Variants in WDFY1 observed in about 807,000 individuals in gnomAD.
The protein encoded by WDFY1 is WD repeat and FYVE domain containing 1, also known as WD repeat and FYVE domain-containing protein 1.
In WDFY1, 32 loss-of-function variants were observed where a neutral mutation model predicts 56.4. The ratio of observed to expected loss-of-function variants is 0.57; its 90% CI spans 0.43 to 0.76. The LOEUF (loss-of-function observed/expected upper bound fraction) is 0.76. WDFY1 is among the 30% of genes least tolerant of loss of function. The probability of loss-of-function intolerance (pLI) is 0.00; values close to 1 mark genes in which losing one functional copy is unlikely to be tolerated. For missense variants in WDFY1, 480 were observed against 545.7 expected, an observed-to-expected ratio of 0.88 and a Z score of 1.20; for synonymous variants, 192 against 197.3, an observed-to-expected ratio of 0.97 and a Z score of 0.23.
At chr2:223,905,525 T>C (rs1693582809) in intron 4 of WDFY1, among the ~76,000 whole-genome samples, 1 of 151,940 alleles carries the variant, frequency 6.6e-6, no homozygotes, top group South Asian at 2.1e-4. Flanking sequence ...AAACAATGAA[T>C]TATAGGATTA....
At chr2:223,920,458 T>C (rs1296598543) in intron 1 of WDFY1, among the ~76,000 whole-genome samples, 1 of 152,220 alleles carries the variant, frequency 6.6e-6, no homozygotes, top group African/African-American at 2.4e-5. Flanking sequence ...CCAGGAAATA[T>C]TTACATGGAA....
chr2:223,944,711 T>G (rs1574787193), intron 1 of WDFY1, among the ~76,000 whole-genome samples: 1 of 112,676 alleles, frequency 8.9e-6, no homozygotes, highest in Non-Finnish European at 1.8e-5. Context: ...GGGACAAGGG[T>G]CCCGGACTGG....
chr2:223,901,118 A>C, intron 5 of WDFY1, 65 bp downstream of exon 5: 1 of 1,541,576 alleles, frequency 6.5e-7, no homozygotes, highest in Non-Finnish European at 8.8e-7. Flanking sequence ...TTGGGATGAG[A>C]TTCAGAACCA....
Position 223,894,325 on chromosome 2 carries a change from G to A in WDFY1, c.740C>T (p.Ser247Leu), listed in dbSNP as rs1693326106. ...CCTGGTGAGCTGAAGGTAGCACAGC[G>A]ACTGCACCTTGTCACTGCAAACAGC... ...LLQGHHDKVQSLCYLQLTRQL... is the reference protein window; with the variant it reads ...LLQGHHDKVQLLCYLQLTRQL... Residue 247 changes from serine (S) to leucine (L), a missense_variant, in exon 8 of 12, where the codon TCG becomes TTG. By Grantham distance (145) the Ser-to-Leu change is moderately radical. Coordinates refer to ENST00000233055, the MANE Select transcript of WDFY1 (RefSeq NM_020830.5). The A allele has an allele frequency of 8.1e-6, 13 of 1,614,014 alleles. No individual in the cohort carries two copies. Among genetic ancestry groups the A allele is most frequent in the Admixed American group, 1.7e-5 (1 of 60,002 alleles).
chr2:223,935,313 G>C (rs543373594), intron 1 of WDFY1, among the ~76,000 whole-genome samples: 2 of 152,196 alleles, frequency 1.3e-5, no homozygotes, highest in Non-Finnish European at 2.9e-5. Context: ...ATCTGCTGTA[G>C]ATTCACCTTG....
intron 5 of WDFY1, 162 bp downstream of exon 5, chr2:223,901,021 G>T: frequency 1.2e-6 from 1 of 843,528 alleles, no homozygotes. Context: ...TGCAATTTTT[G>T]CAATTACTTT....
chr2:223,891,982 A>G (rs1326912389), intron 8 of WDFY1, among the ~76,000 whole-genome samples: 1 of 152,064 alleles, frequency 6.6e-6, no homozygotes, highest in African/African-American at 2.4e-5. Context: ...ATATATATAT[A>G]TACATATTTT....
rs1692986769 is a variant in WDFY1 at position 223,877,209 on chromosome 2, A to C, written c.*1462T>G. 1 of 152,182 alleles carries C rather than the reference A, an allele frequency of 6.6e-6. No individual in the cohort carries two copies. The allele number at this position is 152,182 out of a possible 1,614,324, so 9.4% of individuals were successfully genotyped here. A position where few individuals can be genotyped will look rare whatever the true frequency, so the allele number is the denominator to read the frequency against. On this transcript the variant is annotated 3_prime_UTR_variant, in exon 12 of 12. Transcript: ENST00000233055. ...CTCCTTAAACCTTTCAGTCCCTCTAAGACATCATTATAAAACAAATTTAGT... is the reference window on the plus strand; with the variant it reads ...CTCCTTAAACCTTTCAGTCCCTCTACGACATCATTATAAAACAAATTTAGT...
At chr2:223,935,031 C>G (rs945209437) in intron 1 of WDFY1, among the ~76,000 whole-genome samples, 4 of 152,034 alleles carry the variant, frequency 2.6e-5, no homozygotes, top group African/African-American at 9.7e-5. Context: ...AAGAGGGTTT[C>G]GGCGAGGGAA....
At chr2:223,883,839 T>A (rs1693117972) in intron 9 of WDFY1, among the ~76,000 whole-genome samples, 1 of 152,042 alleles carries the variant, frequency 6.6e-6, no homozygotes, top group South Asian at 2.1e-4. Context: ...AGAGACAGGG[T>A]TTCGCCATGT....
chr2:223,891,368 G>A (rs1288669182), intron 8 of WDFY1, among the ~76,000 whole-genome samples: 1 of 4,036 alleles, frequency 2.5e-4, no homozygotes, highest in Admixed American at 3.6e-3. Context: ...GAGTGACAGA[G>A]CTAGACTCCG....
rs185048831 is a variant in WDFY1 at position 223,886,808 on chromosome 2, T to C, written c.832-2059A>G. Among the ~76,000 whole-genome samples, 8 of 150,138 alleles carry C rather than the reference T, an allele frequency of 5.3e-5. No homozygotes were observed. The East Asian group carries it at 1.4e-3, about 26-fold the overall frequency. ...TGTGCAACAAAAATAGTAGAAAATA[T>C]TTTTTCTAAAATATATATTAATATA... On this transcript the variant is annotated intron_variant, in intron 8 of 11. Coordinates refer to ENST00000233055, the MANE Select transcript of WDFY1 (RefSeq NM_020830.5).
intron 1 of WDFY1, among the ~76,000 whole-genome samples, chr2:223,926,643 A>AAT (rs546463340): frequency 1.3e-3 from 173 of 128,574 alleles, no homozygotes; most frequent in Middle Eastern, 8.1e-3. Flanking sequence ...TATATATACA[A>AAT]ATATGTGCGT....
At chr2:223,928,506 G>A (rs963828014) in intron 1 of WDFY1, among the ~76,000 whole-genome samples, 9 of 152,224 alleles carry the variant, frequency 5.9e-5, no homozygotes, top group South Asian at 2.1e-4. Flanking sequence ...CCTGCTGACC[G>A]ACCTCCCCAG....
At chr2:223,932,561 A>G (rs1010181764) in intron 1 of WDFY1, among the ~76,000 whole-genome samples, 2 of 152,176 alleles carry the variant, frequency 1.3e-5, no homozygotes, top group Admixed American at 1.3e-4. Flanking sequence ...AACTTTCTCA[A>G]AAACACACCC....
Position 223,884,758 on chromosome 2 carries a change from G to A in WDFY1, c.832-9C>T, listed in dbSNP as rs1304745064. On this transcript the variant is annotated splice_polypyrimidine_tract_variant and intron_variant, in intron 8 of 11. Transcript: ENST00000233055. ...TCCAACCACTGAGGAGCCTGGGGGA[G>A]CAGAAAGTCAAAGCCACCATCAGTG... is the stretch of plus-strand genomic sequence containing the variant. 1 of 1,613,166 alleles carries A rather than the reference G, an allele frequency of 6.2e-7. No individual in the cohort carries two copies. Among genetic ancestry groups the A allele is most frequent in the Non-Finnish European group, 8.5e-7 (1 of 1,179,438 alleles).
intron 9 of WDFY1, 23 bp from the exon 10 acceptor site, chr2:223,882,095 G>C: frequency 2.5e-6 from 4 of 1,608,374 alleles, no homozygotes; most frequent in Non-Finnish European, 8.5e-7. Context: ...CCGGGAGGAG[G>C]AAAACAGGGT....
At chr2:223,893,354 CAAAAAA>C (rs557812473) in intron 8 of WDFY1, among the ~76,000 whole-genome samples, 2 of 108,758 alleles carry the variant, frequency 1.8e-5, no homozygotes, top group African/African-American at 6.7e-5. Flanking sequence ...CTGTCTCTAC[CAAAAAA>C]AAAAAAAAAA....
At chr2:223,944,858 G>C (rs967161470) in intron 1 of WDFY1, among the ~76,000 whole-genome samples, 1 of 151,514 alleles carries the variant, frequency 6.6e-6, no homozygotes. Flanking sequence ...CCGGGCTTGG[G>C]CGGCGCGGTG....
Sources: gnomAD v4.1 joint callset for allele counts (sites outside exome capture counted in the v4.1 genomes callset) on GRCh38, gnomAD v4.1.1 for gene constraint, MANE v1.5 for transcripts, NCBI Gene and HGNC (gene_info 2026-07-23, HGNC 2026-07-21) for gene names.